Variants in DNAJC8 observed in about 807,000 individuals in gnomAD.
The protein encoded by DNAJC8 is DnaJ heat shock protein family (Hsp40) member C8.
DNAJC8 carries 24 observed loss-of-function variants against 43.2 expected under a neutral mutation model. The ratio of observed to expected loss-of-function variants is 0.56; its 90% CI spans 0.40 to 0.78. The LOEUF (loss-of-function observed/expected upper bound fraction) is 0.78, where lower values mean the gene tolerates loss of function less well. Ranked by LOEUF, DNAJC8 falls within the 30% of genes least tolerant of loss-of-function variation. The pLI, the probability that DNAJC8 is intolerant of heterozygous loss-of-function variation, is 0.00. For synonymous variants in DNAJC8, 83 were observed against 98.0 expected, an observed-to-expected ratio of 0.85 and a Z score of 0.90; for missense variants, 207 against 299.4, an observed-to-expected ratio of 0.69 and a Z score of 2.28.
chr1:28,230,452 T>A (rs1315286514), intron 1 of DNAJC8, among the ~76,000 whole-genome samples: 3 of 152,116 alleles, frequency 2.0e-5, no homozygotes, highest in Non-Finnish European at 4.4e-5. Context: ...GTGTGGTGGC[T>A]TATGCCTGTA....
At chr1:28,214,899 A>G (rs1212381716) in intron 3 of DNAJC8, 41 bp downstream of exon 3, 1 of 1,538,114 alleles carries the variant, frequency 6.5e-7, no homozygotes, top group Non-Finnish European at 8.8e-7. Context: ...CATGTGCTTC[A>G]TACATTTTCA....
chr1:28,208,713 C>G, intron 5 of DNAJC8: 1 of 207,922 alleles, frequency 4.8e-6, no homozygotes, highest in Non-Finnish European at 9.5e-6. Flanking sequence ...GTCTTTGAAA[C>G]AGACTACTTA....
At chr1:28,217,969 T>C (rs1463119382) in intron 2 of DNAJC8, among the ~76,000 whole-genome samples, 1 of 151,984 alleles carries the variant, frequency 6.6e-6, no homozygotes, top group Non-Finnish European at 1.5e-5. Flanking sequence ...TGGGGACAGT[T>C]GGGCCCATTT....
chr1:28,217,734 T>C (rs1258003852), intron 2 of DNAJC8, among the ~76,000 whole-genome samples: 1 of 151,892 alleles, frequency 6.6e-6, no homozygotes, highest in Admixed American at 6.6e-5. Flanking sequence ...AGAACAGAAA[T>C]TGTCCCACCC....
chr1:28,200,479 C>G lies in DNAJC8; in HGVS notation c.*769G>C. The G allele has an allele frequency of 2.2e-6, 1 of 456,480 alleles. No individual in the cohort carries two copies. Among genetic ancestry groups the G allele is most frequent in the South Asian group, 1.5e-5 (1 of 64,554 alleles). The allele number at this position is 456,480 out of a possible 1,614,324, so 28.3% of individuals were successfully genotyped here. On this transcript the variant is annotated 3_prime_UTR_variant, in exon 9 of 9. Transcript: ENST00000263697. ...CTAAGGTTCAGCCAGGTCTGTCCAA[C>G]CCCAAAGCATTTTGGGGTTCAGCCA...
At chr1:28,221,605 T>C (rs537713) in intron 2 of DNAJC8, among the ~76,000 whole-genome samples, 62,975 of 151,940 alleles carry the variant, frequency 0.41, 14,534 homozygotes, top group African/African-American at 0.61. Context: ...CCACAGGAGA[T>C]ACTAATTACC....
intron 1 of DNAJC8, among the ~76,000 whole-genome samples, chr1:28,230,935 C>T (rs1294199457): frequency 6.6e-6 from 1 of 152,262 alleles, no homozygotes; most frequent in Non-Finnish European, 1.5e-5. Flanking sequence ...TGGGGGGCAA[C>T]TCCATTCCTC....
At chr1:28,209,830 C>T in intron 5 of DNAJC8, 142 bp downstream of exon 5, 1 of 675,170 alleles carries the variant, frequency 1.5e-6, no homozygotes, top group East Asian at 2.8e-5. Flanking sequence ...CTATTCATGA[C>T]CACCACAGCA....
chr1:28,215,659 T>C (rs1646847388), intron 2 of DNAJC8, among the ~76,000 whole-genome samples: 2 of 151,802 alleles, frequency 1.3e-5, no homozygotes, highest in South Asian at 4.2e-4. Context: ...TGCCTAAGCC[T>C]CCTGAGTAGC....
At chr1:28,216,350 T>A (rs12142875) in intron 2 of DNAJC8, among the ~76,000 whole-genome samples, 2 of 151,980 alleles carry the variant, frequency 1.3e-5, no homozygotes, top group African/African-American at 2.4e-5. Flanking sequence ...TAACTGTACA[T>A]ACAAAAATAT....
At chr1:28,208,772 T>A (rs2149016156) in intron 5 of DNAJC8, 1 of 158,224 alleles carries the variant, frequency 6.3e-6, no homozygotes, top group Admixed American at 6.4e-5. Context: ...AGCAAATATA[T>A]CTGTCAAGTT....
chr1:28,222,233 C>T (rs1315599186), intron 2 of DNAJC8, among the ~76,000 whole-genome samples: 1 of 152,016 alleles, frequency 6.6e-6, no homozygotes, highest in East Asian at 1.9e-4. Flanking sequence ...CACCTGTAAT[C>T]CCAGCACTTT....
chr1:28,212,160 AATAAATAAATATAT>A (rs1439811993), intron 3 of DNAJC8, among the ~76,000 whole-genome samples: 1 of 24,334 alleles, frequency 4.1e-5, no homozygotes, highest in African/African-American at 1.0e-4. Flanking sequence ...CGTCTCAATA[AATAAATAAATATAT>A]ATATATATAT....
At chr1:28,229,869 A>G (rs1359355637) in intron 1 of DNAJC8, among the ~76,000 whole-genome samples, 5 of 152,190 alleles carry the variant, frequency 3.3e-5, no homozygotes, top group Admixed American at 2.6e-4. Context: ...CAATCACAGT[A>G]AGACATAAAC....
intron 2 of DNAJC8, among the ~76,000 whole-genome samples, chr1:28,223,468 G>C (rs1469032651): frequency 9.9e-5 from 15 of 152,142 alleles, no homozygotes; most frequent in Non-Finnish European, 2.2e-4. Context: ...GACATATCCT[G>C]GTGCTGGTAT....
At chr1:28,224,495 T>C (rs927423901) in intron 2 of DNAJC8, among the ~76,000 whole-genome samples, 6 of 152,028 alleles carry the variant, frequency 3.9e-5, no homozygotes, top group African/African-American at 1.4e-4. Context: ...CTTGAACTCC[T>C]GACCTCAAGT....
At chr1:28,210,201 T>TAA in intron 4 of DNAJC8, 135 bp from the exon 5 acceptor site, 1 of 738,338 alleles carries the variant, frequency 1.4e-6, no homozygotes, top group Non-Finnish European at 2.2e-6. Flanking sequence ...TAAACTAAGT[T>TAA]AAAAAAAACA....
At chr1:28,218,614 G>A (rs1232084462) in intron 2 of DNAJC8, among the ~76,000 whole-genome samples, 2 of 151,734 alleles carry the variant, frequency 1.3e-5, no homozygotes, top group Non-Finnish European at 2.9e-5. Context: ...TTTAGAGATG[G>A]GGTCTCCCTG....
chr1:28,210,483 T>A (rs1253576630), intron 4 of DNAJC8, 88 bp downstream of exon 4: 2 of 1,203,016 alleles, frequency 1.7e-6, no homozygotes, highest in Admixed American at 1.9e-5. Context: ...GACAAAACTA[T>A]AACAGTCTTT....
Sources: gnomAD v4.1 joint callset for allele counts (sites outside exome capture counted in the v4.1 genomes callset) on GRCh38, gnomAD v4.1.1 for gene constraint, MANE v1.5 for transcripts, NCBI Gene and HGNC (gene_info 2026-07-23, HGNC 2026-07-21) for gene names.